Variants in RAPGEF1 observed in about 807,000 individuals in gnomAD.
RAPGEF1 encodes the protein Rap guanine nucleotide exchange factor 1, also known as CRK SH3-binding GNRP.
A neutral mutation model predicts 143.3 loss-of-function variants in RAPGEF1; 33 were observed. The ratio of observed to expected loss-of-function variants is 0.23; its 90% confidence interval spans 0.17 to 0.31. The LOEUF (loss-of-function observed/expected upper bound fraction) is 0.31. Among genes scored for constraint, RAPGEF1 ranks in the 10% least tolerant of loss-of-function variants. The pLI is 1.00. For synonymous variants in RAPGEF1, 629 were observed against 676.5 expected (o/e 0.93, Z 1.09); for missense variants, 1,199 against 1,645.4 (o/e 0.73, Z 4.69).
chr9:131,644,572 T>C (rs977770232), intron 3 of RAPGEF1, among the ~76,000 whole-genome samples: 1 of 152,076 alleles, frequency 6.6e-6, no homozygotes, highest in African/African-American at 2.4e-5. Flanking sequence ...AAGAAGATAA[T>C]TTCTAGAAAA....
intron 25 of RAPGEF1, among the ~76,000 whole-genome samples, chr9:131,580,717 T>A (rs913987739): frequency 6.6e-6 from 1 of 150,376 alleles, no homozygotes; most frequent in Non-Finnish European, 1.5e-5. Context: ...AAAAAAAAAA[T>A]AACAAAACCC....
Position 131,630,261 on chromosome 9 carries a change from T to G in RAPGEF1, c.715A>C (p.Ser239Arg). The part of the protein sequence containing the change: ...RPSPTSPVKP[S>R]SPASKPDGPA... ...CCATCAGGCTTGCTGGCAGGGGAAC[T>G]GGGCTTCACGGGGCTCGTCGGAGAC... The change falls in exon 6 of 27, where the codon AGT becomes CGT. Residue 239 changes from serine (S) to arginine (R), a missense_variant. Physicochemically the swap from Ser to Arg is moderately radical, Grantham distance 110. Around this residue, in one of 6 missense-constraint regions of RAPGEF1, gnomAD observed 613 missense variants for 710.9 expected, o/e 0.86. Coordinates refer to ENST00000683357, the MANE Select transcript of RAPGEF1 (RefSeq NM_001377935.1). The G allele has an allele frequency of 6.2e-7, 1 of 1,613,260 alleles. No individual in the cohort carries two copies. Among genetic ancestry groups the G allele is most frequent in the African/African-American group, 1.3e-5 (1 of 74,940 alleles).
At chr9:131,681,280 C>A (rs943478657) in intron 1 of RAPGEF1, among the ~76,000 whole-genome samples, 4 of 152,064 alleles carry the variant, frequency 2.6e-5, no homozygotes, top group Non-Finnish European at 5.9e-5. Flanking sequence ...AAATTAGTTG[C>A]CCCAGTGACT....
chr9:131,664,893 A>G (rs987692550), intron 1 of RAPGEF1, among the ~76,000 whole-genome samples: 1 of 152,230 alleles, frequency 6.6e-6, no homozygotes, highest in Non-Finnish European at 1.5e-5. Context: ...AAAACTACAT[A>G]ACTTCTGTTT....
At chr9:131,644,813 G>A (rs566514558) in intron 3 of RAPGEF1, among the ~76,000 whole-genome samples, 5 of 151,840 alleles carry the variant, frequency 3.3e-5, no homozygotes, top group Admixed American at 1.3e-4. Context: ...AAAAAATAAA[G>A]TTTAAAAAAA....
chr9:131,590,133 A>G (rs1415088465), intron 18 of RAPGEF1, among the ~76,000 whole-genome samples, 155 bp from the exon 19 acceptor site: 1 of 152,088 alleles, frequency 6.6e-6, no homozygotes, highest in Non-Finnish European at 1.5e-5. Context: ...GGACTAGCGC[A>G]GTGGAACAAC....
chr9:131,709,133 G>A (rs189069879), intron 1 of RAPGEF1, among the ~76,000 whole-genome samples: 149 of 152,276 alleles, frequency 9.8e-4, no homozygotes, highest in African/African-American at 3.3e-3. Context: ...TGGGTCATGA[G>A]GTCAGGAGTT....
chr9:131,704,390 T>TCACCCCCTGC (rs1270148128), intron 1 of RAPGEF1, among the ~76,000 whole-genome samples: 3 of 151,530 alleles, frequency 2.0e-5, no homozygotes. Context: ...AATCCTTAAC[T>TCACCCCCTGC]CACCCCCTGC....
chr9:131,721,473 G>A (rs148330561), intron 1 of RAPGEF1, among the ~76,000 whole-genome samples: 17 of 152,284 alleles, frequency 1.1e-4, no homozygotes, highest in African/African-American at 3.1e-4. Flanking sequence ...GCGAAGTCTC[G>A]TTTGGAGGGG....
At chr9:131,600,485 A>G (rs1956088528) in intron 15 of RAPGEF1, among the ~76,000 whole-genome samples, 1 of 152,206 alleles carries the variant, frequency 6.6e-6, no homozygotes, top group Non-Finnish European at 1.5e-5. Context: ...CAAGTCAGAG[A>G]GCACAAGAGT....
Position 131,645,581 on chromosome 9 carries a change from G to C in RAPGEF1, c.316-2164C>G, listed in dbSNP as rs377305526. Among the ~76,000 whole-genome samples the C allele has an allele frequency of 5.9e-5, 9 of 152,368 alleles. No homozygotes were observed. In the East Asian group the frequency reaches 1.5e-3, roughly 26 times the overall value. On this transcript the variant is annotated intron_variant, in intron 3 of 26. Transcript: ENST00000683357. ...TCTACTCCCAGAATTAATGGCCTCT[G>C]GGTGTTGTGCATTCTCCAGCCTTTC... is the stretch of plus-strand genomic sequence containing the variant.
At position 131,598,289 on chromosome 9, in the gene RAPGEF1, A is replaced by G; in HGVS notation, c.2523T>C (p.Ala841=). Residue 841 remains alanine, a synonymous_variant, in exon 16 of 27, where the codon GCT becomes GCC. Transcript: ENST00000683357. ...CCTCCTCCGACTGAGCCGACTCCAG[A>G]GCATCTGGTGACTTTGGGGCCCTGC... ...GSERAPKSPD[A]LESAQSEEEV... 6.2e-7 allele frequency: 1 copy of G among 1,613,944 alleles called. No homozygotes were observed. Among genetic ancestry groups the G allele is most frequent in the South Asian group, 1.1e-5 (1 of 91,066 alleles).
At chr9:131,685,732 C>T (rs1265493975) in intron 1 of RAPGEF1, among the ~76,000 whole-genome samples, 1 of 152,188 alleles carries the variant, frequency 6.6e-6, no homozygotes, top group Non-Finnish European at 1.5e-5. Flanking sequence ...CCACTTCACA[C>T]CTCTATATTT....
intron 5 of RAPGEF1, among the ~76,000 whole-genome samples, chr9:131,634,713 CAAAAAAAA>C (rs35405559): frequency 1.0e-3 from 64 of 61,216 alleles, no homozygotes; most frequent in Non-Finnish European, 1.3e-3. Flanking sequence ...GACTCCGTCT[CAAAAAAAA>C]AAAAAAAAAA....
At chr9:131,610,657 G>A (rs1957897835) in intron 12 of RAPGEF1, among the ~76,000 whole-genome samples, 1 of 152,178 alleles carries the variant, frequency 6.6e-6, no homozygotes, top group African/African-American at 2.4e-5. Flanking sequence ...TGTGGTCTGG[G>A]CTTCCTTCCT....
chr9:131,594,168 G>A (rs777427930), intron 17 of RAPGEF1, among the ~76,000 whole-genome samples: 1 of 152,164 alleles, frequency 6.6e-6, no homozygotes, highest in Non-Finnish European at 1.5e-5. Context: ...ATGGGACAGC[G>A]CCTGGCTTCT....
Position 131,627,969 on chromosome 9 carries a change from G to T in RAPGEF1, c.1145C>A (p.Ser382Tyr). The T allele has an allele frequency of 6.3e-7, 1 of 1,591,742 alleles. No individual in the cohort carries two copies. The highest frequency in any genetic ancestry group is 8.6e-7 in the Non-Finnish European group (1 of 1,169,076). Residue 382 changes from serine to tyrosine, a missense_variant, in exon 9 of 27, where the codon TCC (serine) becomes TAC (tyrosine). By Grantham distance (144) the Ser-to-Tyr change is moderately radical. Coordinates refer to ENST00000683357, the MANE Select transcript of RAPGEF1 (RefSeq NM_001377935.1). ...CTGCCCACTGTCCCTGTCCAGAGAGGACAGCTGCTCGTCTGACTTGCTGAG... is the reference window on the plus strand; with the variant it reads ...CTGCCCACTGTCCCTGTCCAGAGAGTACAGCTGCTCGTCTGACTTGCTGAG... ...GKLSKSDEQLSSLDRDSGQCS... is the reference protein window; with the variant it reads ...GKLSKSDEQLYSLDRDSGQCS...
intron 1 of RAPGEF1, among the ~76,000 whole-genome samples, chr9:131,707,756 T>C (rs1470048217): frequency 6.6e-6 from 1 of 152,206 alleles, no homozygotes; most frequent in Non-Finnish European, 1.5e-5. Flanking sequence ...ACAAATTTAT[T>C]AACGTGTATA....
intron 1 of RAPGEF1, among the ~76,000 whole-genome samples, chr9:131,660,040 G>C (rs1456566706): frequency 2.0e-5 from 3 of 152,088 alleles, no homozygotes; most frequent in Non-Finnish European, 4.4e-5. Context: ...GGATGGTCTC[G>C]ATCTCCTGAC....
Sources: gnomAD v4.1 joint callset for allele counts (sites outside exome capture counted in the v4.1 genomes callset) on GRCh38, gnomAD v4.1.1 for gene constraint, gnomAD v4.1.1 regional missense constraint, MANE v1.5 for transcripts, NCBI Gene and HGNC (gene_info 2026-07-23, HGNC 2026-07-21) for gene names.